CDH4: variants seen among roughly 807,000 people sequenced by gnomAD.
CDH4 encodes cadherin 4.
In CDH4, 33 loss-of-function variants were observed where a neutral mutation model predicts 86.0. The observed-to-expected ratio is 0.38, with a 90% CI of 0.29 to 0.51. CDH4 has a LOEUF of 0.51. CDH4 is among the 20% of genes least tolerant of loss of function. CDH4 has a pLI of 0.86. For missense variants in CDH4, 1,114 were observed against 1,307.4 expected (o/e 0.85, Z 2.28); for synonymous variants, 555 against 549.4 (o/e 1.01, Z -0.14).
Position 61,936,803 on chromosome 20 carries a change from G to A in CDH4, c.2611G>A (p.Glu871Lys), listed in dbSNP as rs200809954. Residue 871 changes from glutamate (E) to lysine (K), a missense_variant, in exon 16 of 16, where the codon GAG (glutamate) becomes AAG (lysine). By Grantham distance (56) the Glu-to-Lys change is moderately conservative. This residue lies in a region of CDH4 where 188 missense variants were observed against 183.8 expected (regional missense o/e 1.02). Coordinates refer to ENST00000614565, the MANE Select transcript of CDH4 (RefSeq NM_001794.5). ...PYDSLLVFDY[E>K]GSGSTAGSVS... ...TGACTCCCTGCTGGTCTTCGACTAC[G>A]AGGGGAGCGGCTCCACCGCAGGCTC... 6 of 1,610,780 alleles carry A rather than the reference G, an allele frequency of 3.7e-6. No individual in the cohort carries two copies. The highest frequency in any genetic ancestry group is 2.2e-5 in the East Asian group (1 of 44,454).
chr20:61,542,495 A>G (rs1382285676), intron 2 of CDH4, among the ~76,000 whole-genome samples: 3 of 152,206 alleles, frequency 2.0e-5, no homozygotes, highest in African/African-American at 7.2e-5. Context: ...ACAACTCTTC[A>G]CAGATGCAGT....
intron 3 of CDH4, among the ~76,000 whole-genome samples, chr20:61,767,414 G>A (rs746986007): frequency 6.6e-5 from 10 of 152,194 alleles, no homozygotes; most frequent in Non-Finnish European, 1.0e-4. Context: ...TAGCAGGTCC[G>A]GGGTGGCACC....
chr20:61,734,423 A>G (rs1207267882), intron 2 of CDH4, among the ~76,000 whole-genome samples: 5 of 152,210 alleles, frequency 3.3e-5, no homozygotes, highest in Admixed American at 6.5e-5. Context: ...AGCTTTGTGA[A>G]TACACACAAT....
chr20:61,519,646 G>A (rs755176529), intron 2 of CDH4, among the ~76,000 whole-genome samples: 18 of 152,242 alleles, frequency 1.2e-4, no homozygotes, highest in African/African-American at 2.7e-4. Flanking sequence ...GGGCTGCTGC[G>A]CCAGCATCGC....
At position 61,444,465 on chromosome 20, in the gene CDH4, A is replaced by G. The variant is rs2085334733; in HGVS notation, c.169+189528A>G. 2.3e-5 allele frequency among the ~76,000 whole-genome samples: 3 copies of G among 128,042 alleles called. No individual in the cohort carries two copies. The South Asian group carries it at 8.2e-4, about 35-fold the overall frequency. The allele number at this position is 128,042 out of a possible 152,430, so 84.0% of individuals were successfully genotyped here. A position where few individuals can be genotyped will look rare whatever the true frequency, so the allele number is the denominator to read the frequency against. On this transcript the variant is annotated intron_variant, in intron 2 of 15. Transcript: ENST00000614565. Reference sequence around the variant, plus strand: ...TTTCTTTGTGTGTGTATTTGTGTGTATCTGCATGAGTGTTTCTCTGTGTGT... The same window carrying G: ...TTTCTTTGTGTGTGTATTTGTGTGTGTCTGCATGAGTGTTTCTCTGTGTGT...
At chr20:61,787,140 A>G (rs559257709) in intron 4 of CDH4, among the ~76,000 whole-genome samples, 48 of 152,226 alleles carry the variant, frequency 3.2e-4, no homozygotes, top group Non-Finnish European at 5.4e-4. Flanking sequence ...CCGTCCATCC[A>G]TCCATCCATC....
chr20:61,411,515 C>T (rs1251986270), intron 2 of CDH4, among the ~76,000 whole-genome samples: 1 of 151,820 alleles, frequency 6.6e-6, no homozygotes, highest in Admixed American at 6.6e-5. Flanking sequence ...TCAAAACGGC[C>T]CAGCTTCAAC....
chr20:61,773,336 G>A (rs62204630), intron 4 of CDH4, among the ~76,000 whole-genome samples, 154 bp downstream of exon 4: 4,867 of 152,348 alleles, frequency 0.032, 96 homozygotes, highest in Middle Eastern at 0.054. Context: ...TACACAGCGC[G>A]ATGAAAAATT....
chr20:61,378,053 G>C (rs976562301), intron 2 of CDH4, among the ~76,000 whole-genome samples: 1 of 152,158 alleles, frequency 6.6e-6, no homozygotes, highest in Non-Finnish European at 1.5e-5. Flanking sequence ...AGGACTTCAA[G>C]ACCAGCCTAG....
chr20:61,638,252 C>T (rs1261625308), intron 2 of CDH4, among the ~76,000 whole-genome samples: 1 of 152,098 alleles, frequency 6.6e-6, no homozygotes, highest in Non-Finnish European at 1.5e-5. Context: ...TCATGGCAGC[C>T]CTGAGTAAAC....
intron 2 of CDH4, among the ~76,000 whole-genome samples, chr20:61,341,359 T>C (rs950285022): frequency 6.6e-6 from 1 of 152,180 alleles, no homozygotes; most frequent in Non-Finnish European, 1.5e-5. Flanking sequence ...TGGCTTCAGC[T>C]ATGTAAACTC....
At chr20:61,735,687 C>T (rs1347078391) in intron 2 of CDH4, among the ~76,000 whole-genome samples, 1 of 152,260 alleles carries the variant, frequency 6.6e-6, no homozygotes, top group South Asian at 2.1e-4. Context: ...GGGGCCTCCC[C>T]ACGGCCTCCG....
intron 2 of CDH4, among the ~76,000 whole-genome samples, chr20:61,412,526 A>G (rs1444089752): frequency 6.6e-6 from 1 of 152,178 alleles, no homozygotes; most frequent in Non-Finnish European, 1.5e-5. Context: ...CCAACTCACA[A>G]TGGCTACAGA....
intron 2 of CDH4, among the ~76,000 whole-genome samples, chr20:61,400,266 A>G (rs912806407): frequency 4.6e-5 from 7 of 152,358 alleles, no homozygotes; most frequent in African/African-American, 1.2e-4. Flanking sequence ...ATGCTCTACA[A>G]TCAGAGCTTT....
At chr20:61,317,868 T>A (rs991681225) in intron 2 of CDH4, among the ~76,000 whole-genome samples, 2 of 152,218 alleles carry the variant, frequency 1.3e-5, no homozygotes, top group African/African-American at 4.8e-5. Flanking sequence ...AAGGGACATG[T>A]CAGAGTGGGG....
chr20:61,655,955 G>A (rs916157653), intron 2 of CDH4, among the ~76,000 whole-genome samples: 2 of 152,242 alleles, frequency 1.3e-5, no homozygotes, highest in Non-Finnish European at 1.5e-5. Context: ...TTGTAAGAGT[G>A]TGAGAGGCTC....
intron 2 of CDH4, among the ~76,000 whole-genome samples, chr20:61,333,934 G>A (rs542052529): frequency 2.0e-5 from 3 of 152,334 alleles, no homozygotes; most frequent in African/African-American, 7.2e-5. Context: ...CTGGGTGGGA[G>A]GGGGCCTCCT....
chr20:61,431,682 G>C (rs917269251), intron 2 of CDH4, among the ~76,000 whole-genome samples: 1 of 152,046 alleles, frequency 6.6e-6, no homozygotes, highest in Non-Finnish European at 1.5e-5. Context: ...TTTAATCAAG[G>C]TTTTAAGTGT....
At chr20:61,606,674 A>G (rs1600802140) in intron 2 of CDH4, among the ~76,000 whole-genome samples, 1 of 152,162 alleles carries the variant, frequency 6.6e-6, no homozygotes, top group Non-Finnish European at 1.5e-5. Flanking sequence ...GCCGCTCCTC[A>G]GTTGTGTAGA....
Sources: allele counts gnomAD v4.1 joint callset (sites outside exome capture counted in the v4.1 genomes callset), GRCh38; gene constraint gnomAD v4.1.1; regional missense constraint gnomAD v4.1.1; transcripts MANE v1.5; gene names NCBI Gene and HGNC (gene_info 2026-07-23, HGNC 2026-07-21).